The following DISC1 variants were observed in gnomAD, a reference collection of about 807,000 sequenced individuals.
The protein encoded by DISC1 is DISC1 scaffold protein, also known as disrupted in schizophrenia 1 protein.
DISC1 carries 57 observed loss-of-function variants against 84.5 expected under a neutral mutation model. The observed-to-expected ratio is 0.67, with a 90% CI of 0.55 to 0.84. The LOEUF (loss-of-function observed/expected upper bound fraction) is 0.84, where lower values mean the gene tolerates loss of function less well. Ranked by LOEUF, DISC1 falls within the 40% of genes least tolerant of loss-of-function variation. The pLI, the probability that DISC1 is intolerant of heterozygous loss-of-function variation, is 0.00. For missense variants in DISC1, 1,000 were observed against 1,057.8 expected, an observed-to-expected ratio of 0.95 and a Z score of 0.76; for synonymous variants, 411 against 415.2, an observed-to-expected ratio of 0.99 and a Z score of 0.12.
intron 1 of DISC1, among the ~76,000 whole-genome samples, chr1:231,649,985 CA>C (rs1425241407): frequency 1.3e-5 from 2 of 152,202 alleles, no homozygotes; most frequent in African/African-American, 4.8e-5. Flanking sequence ...CTCCTGAATA[CA>C]GCACACTGAT....
At chr1:232,007,583 G>A (rs1244800357) in intron 10 of DISC1, among the ~76,000 whole-genome samples, 2 of 152,166 alleles carry the variant, frequency 1.3e-5, no homozygotes, top group East Asian at 1.9e-4. Flanking sequence ...TACCCCTAAT[G>A]TATCTTGGAA....
At chr1:231,748,072 G>T (rs903761781) in intron 3 of DISC1, among the ~76,000 whole-genome samples, 19 of 152,062 alleles carry the variant, frequency 1.2e-4, no homozygotes, top group African/African-American at 4.8e-5. Context: ...ACTGGTTTTT[G>T]TATATTAATT....
chr1:231,636,611 T>G (rs569393549), intron 1 of DISC1, among the ~76,000 whole-genome samples: 2 of 152,310 alleles, frequency 1.3e-5, no homozygotes, highest in South Asian at 4.1e-4. Context: ...TTTTGAAACT[T>G]TTTTTGAAAA....
At chr1:231,816,044 A>G (rs1214718151) in intron 8 of DISC1, among the ~76,000 whole-genome samples, 1 of 152,246 alleles carries the variant, frequency 6.6e-6, no homozygotes, top group African/African-American at 2.4e-5. Context: ...AGAAACTGGC[A>G]GAACTTTTCT....
At chr1:231,808,137 T>C (rs908717658) in intron 8 of DISC1, among the ~76,000 whole-genome samples, 1 of 152,168 alleles carries the variant, frequency 6.6e-6, no homozygotes, top group Admixed American at 6.5e-5. Flanking sequence ...TCTGGGGAAA[T>C]TTAAAAATAC....
chr1:232,008,845 T>C lies in DISC1; in HGVS notation c.2103T>C (p.Leu701=). 1 of 1,610,856 alleles carries C rather than the reference T, an allele frequency of 6.2e-7. No homozygotes were observed. Among genetic ancestry groups the C allele is most frequent in the East Asian group, 2.2e-5 (1 of 44,808 alleles). ...WEADLEACRL[L]IQSLQLQEAR... is the part of the protein sequence containing the mutation. Reference sequence around the variant, plus strand: ...CTGACTTGGAAGCTTGTCGATTGCTTATCCAGAGCCTACAGCTCCAGGAAG... The same window carrying C: ...CTGACTTGGAAGCTTGTCGATTGCTCATCCAGAGCCTACAGCTCCAGGAAG... The change falls in exon 11 of 13, where the codon CTT becomes CTC. Residue 701 remains leucine, a synonymous_variant. Transcript: ENST00000439617.
chr1:231,648,496 C>T (rs971202847), intron 1 of DISC1, among the ~76,000 whole-genome samples: 4 of 152,208 alleles, frequency 2.6e-5, no homozygotes, highest in African/African-American at 4.8e-5. Flanking sequence ...CGACGTTCAT[C>T]AGGGATATTG....
At chr1:231,629,995 G>A (rs776277512) in intron 1 of DISC1, among the ~76,000 whole-genome samples, 3 of 152,060 alleles carry the variant, frequency 2.0e-5, no homozygotes, top group Non-Finnish European at 4.4e-5. Flanking sequence ...GCAGTGGCAC[G>A]ATCTCGGCTC....
At chr1:231,990,928 G>A (rs1304882616) in intron 10 of DISC1, among the ~76,000 whole-genome samples, 3 of 152,174 alleles carry the variant, frequency 2.0e-5, no homozygotes, top group Non-Finnish European at 4.4e-5. Context: ...TACCAGATAC[G>A]AGGGAGAGCA....
intron 1 of DISC1, chr1:231,684,917 G>C (rs1294683265): frequency 1.3e-5 from 2 of 152,212 alleles, no homozygotes; most frequent in Non-Finnish European, 2.9e-5. Context: ...CAGACCTGTT[G>C]GCGTCTGTAC....
chr1:231,779,389 A>T (rs1171821099), intron 6 of DISC1, among the ~76,000 whole-genome samples: 1 of 152,156 alleles, frequency 6.6e-6, no homozygotes, highest in Non-Finnish European at 1.5e-5. Context: ...AGAGGGCCTA[A>T]TTGTAATACA....
chr1:231,703,594 C>G (rs199838620), intron 3 of DISC1, among the ~76,000 whole-genome samples: 9 of 152,178 alleles, frequency 5.9e-5, no homozygotes, highest in South Asian at 2.1e-4. Flanking sequence ...TAGTTTGTCC[C>G]CTGCTCCTGC....
intron 9 of DISC1, among the ~76,000 whole-genome samples, chr1:231,859,076 T>C (rs1233136772): frequency 1.3e-5 from 2 of 152,308 alleles, no homozygotes; most frequent in East Asian, 1.9e-4. Context: ...CAACCTATTT[T>C]GGAAACCAGC....
intron 1 of DISC1, among the ~76,000 whole-genome samples, chr1:231,666,145 AT>A (rs527878320): frequency 1.1e-4 from 16 of 150,488 alleles, no homozygotes; most frequent in African/African-American, 2.9e-4. Flanking sequence ...GGTAATGCTT[AT>A]TTTTTTTTGG....
At chr1:231,833,964 C>G (rs2082430104) in intron 9 of DISC1, among the ~76,000 whole-genome samples, 1 of 152,102 alleles carries the variant, frequency 6.6e-6, no homozygotes, top group African/African-American at 2.4e-5. Context: ...ATAAGACGGC[C>G]TTTTGACCTT....
At chr1:232,014,983 G>A (rs1668349527) in intron 11 of DISC1, among the ~76,000 whole-genome samples, 1 of 152,206 alleles carries the variant, frequency 6.6e-6, no homozygotes, top group Non-Finnish European at 1.5e-5. Flanking sequence ...AGAAACAAAT[G>A]CAACTTGACC....
chr1:231,733,974 GTGA>G (rs1287393426), intron 3 of DISC1, among the ~76,000 whole-genome samples: 3 of 151,606 alleles, frequency 2.0e-5, no homozygotes, highest in Admixed American at 6.6e-5. Context: ...AGTAGGAGTG[GTGA>G]TGATGATGAT....
chr1:231,969,598 C>CT lies in DISC1; in HGVS notation c.2042+10724dup, dbSNP rs59866510. Among the ~76,000 whole-genome samples, 9 of 126,356 alleles carry CT rather than the reference C, an allele frequency of 7.1e-5. No individual in the cohort carries two copies. In the South Asian group the frequency reaches 1.7e-3, roughly 24 times the overall value. The allele number at this position is 126,356 out of a possible 152,430, so 82.9% of individuals were successfully genotyped here. A position where few individuals can be genotyped will look rare whatever the true frequency, so the allele number is the denominator to read the frequency against. On this transcript the variant is annotated intron_variant, in intron 10 of 12. Transcript: ENST00000439617. ...AATATACTTGTTTCTTTCTTTCTTT[C>CT]TTTTTTTTTTTTTTATTATACTTTA...
intron 9 of DISC1, among the ~76,000 whole-genome samples, chr1:231,842,948 A>C (rs948639691): frequency 5.9e-5 from 9 of 152,152 alleles, no homozygotes; most frequent in Non-Finnish European, 1.2e-4. Flanking sequence ...CTTGCTTTCA[A>C]CTAATTTTTA....
Sources: allele counts gnomAD v4.1 joint callset (sites outside exome capture counted in the v4.1 genomes callset), GRCh38; gene constraint gnomAD v4.1.1; transcripts MANE v1.5; gene names NCBI Gene and HGNC (gene_info 2026-07-23, HGNC 2026-07-21).